MAN2A1: variants seen among roughly 807,000 people sequenced by gnomAD.
MAN2A1 encodes mannosidase alpha class 2A member 1, also known as alpha-mannosidase 2.
Under a neutral mutation model 142.6 loss-of-function variants are expected in MAN2A1, and 76 were observed. That is an observed-to-expected ratio of 0.53 (90% CI 0.44 to 0.65). MAN2A1 has a LOEUF of 0.65. MAN2A1 is among the 30% of genes least tolerant of loss of function. The pLI is 0.00. For synonymous variants in MAN2A1, 559 were observed against 473.2 expected, an observed-to-expected ratio of 1.18 and a Z score of -2.35; for missense variants, 1,311 against 1,365.1, an observed-to-expected ratio of 0.96 and a Z score of 0.62.
chr5:109,739,666 G>T (rs1752209746), intron 4 of MAN2A1, among the ~76,000 whole-genome samples: 1 of 152,110 alleles, frequency 6.6e-6, no homozygotes, highest in Non-Finnish European at 1.5e-5. Flanking sequence ...CCTGGAATTT[G>T]TCCCAAAACA....
intron 1 of MAN2A1, among the ~76,000 whole-genome samples, chr5:109,696,819 G>C (rs1298749578): frequency 2.0e-5 from 3 of 152,202 alleles, no homozygotes; most frequent in African/African-American, 7.2e-5. Flanking sequence ...AAAGGCCGAA[G>C]CTCAAAAAGC....
At chr5:109,759,947 CTATATATATA>C (rs141976116) in intron 5 of MAN2A1, among the ~76,000 whole-genome samples, 16,299 of 104,202 alleles carry the variant, frequency 0.16, 1,375 homozygotes, top group East Asian at 0.53. Flanking sequence ...TGAATTGTTG[CTATATATATA>C]TATATATAGA....
At chr5:109,790,907 T>C (rs1753721889) in intron 12 of MAN2A1, among the ~76,000 whole-genome samples, 1 of 152,084 alleles carries the variant, frequency 6.6e-6, no homozygotes, top group African/African-American at 2.4e-5. Flanking sequence ...AGATGTTCCC[T>C]TTAGTTTATC....
In MAN2A1 at chr5:109,725,634, G is replaced by T. The variant is rs1365100940; in HGVS notation, c.536-3708G>T. On this transcript the variant is annotated intron_variant, in intron 3 of 21. Transcript: ENST00000261483. The stretch of plus-strand genomic sequence containing the variant: ...GAAAGGGGTGTAGTCAGAAGAATAG[G>T]GAGGTCCTTCTAGAGTCCAGGGCTC... Among the ~76,000 whole-genome samples the T allele has an allele frequency of 5.9e-5, 9 of 152,242 alleles. No individual in the cohort carries two copies. The East Asian group carries it at 1.7e-3, about 29-fold the overall frequency.
chr5:109,748,418 A>G (rs1554075501), intron 4 of MAN2A1, among the ~76,000 whole-genome samples: 1 of 139,166 alleles, frequency 7.2e-6, no homozygotes, highest in Non-Finnish European at 1.6e-5. Context: ...TTTTTTTTGC[A>G]TTATCAGTAC....
chr5:109,743,770 A>G (rs1484441096), intron 4 of MAN2A1, among the ~76,000 whole-genome samples: 1 of 152,172 alleles, frequency 6.6e-6, no homozygotes, highest in Admixed American at 6.5e-5. Flanking sequence ...CATTTCATCA[A>G]CAGAGTTAGT....
At chr5:109,709,630 T>TGAACAAAATTTTTGTTCATAG (rs1251116572) in intron 1 of MAN2A1, among the ~76,000 whole-genome samples, 2 of 152,250 alleles carry the variant, frequency 1.3e-5, no homozygotes, top group African/African-American at 2.4e-5. Flanking sequence ...TTCATAGGAC[T>TGAACAAAATTTTTGTTCATAG]GAGTGGTAAC....
chr5:109,765,468 G>C (rs1752965083), intron 5 of MAN2A1, among the ~76,000 whole-genome samples: 1 of 152,152 alleles, frequency 6.6e-6, no homozygotes, highest in African/African-American at 2.4e-5. Context: ...GGAGGCATGT[G>C]ATGTCTCTGT....
At chr5:109,775,632 C>T (rs1753268661) in intron 8 of MAN2A1, among the ~76,000 whole-genome samples, 1 of 152,028 alleles carries the variant, frequency 6.6e-6, no homozygotes, top group Non-Finnish European at 1.5e-5. Flanking sequence ...CTGTCTCACT[C>T]CTCCCCATAG....
intron 16 of MAN2A1, among the ~76,000 whole-genome samples, chr5:109,841,290 G>A (rs1432358633): frequency 3.3e-5 from 5 of 151,836 alleles, no homozygotes; most frequent in Admixed American, 6.6e-5. Context: ...TTTATCCCTC[G>A]CCCCCCTCCA....
intron 16 of MAN2A1, among the ~76,000 whole-genome samples, chr5:109,841,225 A>G (rs951974556): frequency 2.6e-5 from 4 of 152,108 alleles, no homozygotes; most frequent in African/African-American, 9.7e-5. Flanking sequence ...GTGATTTGTG[A>G]AATTTTGGTG....
chr5:109,738,350 G>A (rs1465859352), intron 4 of MAN2A1, among the ~76,000 whole-genome samples: 2 of 151,506 alleles, frequency 1.3e-5, no homozygotes, highest in African/African-American at 4.9e-5. Flanking sequence ...CTGCAAGGTG[G>A]GCACTCCTAG....
intron 15 of MAN2A1, among the ~76,000 whole-genome samples, chr5:109,821,077 A>G (rs1391650655): frequency 1.3e-5 from 2 of 152,224 alleles, no homozygotes; most frequent in Admixed American, 6.5e-5. Context: ...GCACATTTTG[A>G]AAATGCCAGA....
At chr5:109,801,739 A>T (rs1272943985) in intron 12 of MAN2A1, among the ~76,000 whole-genome samples, 1 of 152,174 alleles carries the variant, frequency 6.6e-6, no homozygotes, top group Admixed American at 6.5e-5. Flanking sequence ...AATGTCTTTA[A>T]AACATGTTCT....
chr5:109,829,956 A>G (rs1166164583), intron 16 of MAN2A1, among the ~76,000 whole-genome samples: 1 of 152,172 alleles, frequency 6.6e-6, no homozygotes, highest in East Asian at 1.9e-4. Context: ...TGTCTCCATA[A>G]ACTTTTCATA....
chr5:109,830,691 A>G (rs1447806371), intron 16 of MAN2A1, among the ~76,000 whole-genome samples: 1 of 152,252 alleles, frequency 6.6e-6, no homozygotes, highest in Non-Finnish European at 1.5e-5. Context: ...TAAGTAAGTT[A>G]TAGCTAGGCA....
intron 1 of MAN2A1, among the ~76,000 whole-genome samples, chr5:109,708,978 G>A (rs1477072009): frequency 6.6e-6 from 1 of 152,116 alleles, no homozygotes; most frequent in East Asian, 1.9e-4. Context: ...GATACACCTG[G>A]GGCAGCTCAA....
At chr5:109,730,220 T>G (rs1244682886) in intron 4 of MAN2A1, among the ~76,000 whole-genome samples, 1 of 152,178 alleles carries the variant, frequency 6.6e-6, no homozygotes, top group African/African-American at 2.4e-5. Flanking sequence ...AAAAGTTTAA[T>G]TTTAATTTTA....
At chr5:109,714,581 C>G (rs1050692068) in intron 2 of MAN2A1, among the ~76,000 whole-genome samples, 4 of 152,296 alleles carry the variant, frequency 2.6e-5, no homozygotes, top group African/African-American at 7.2e-5. Flanking sequence ...GAGTGTTTCA[C>G]TCACATTGGC....
Sources: allele counts gnomAD v4.1 joint callset (sites outside exome capture counted in the v4.1 genomes callset), GRCh38; gene constraint gnomAD v4.1.1; transcripts MANE v1.5; gene names NCBI Gene and HGNC (gene_info 2026-07-23, HGNC 2026-07-21).